XYLT1: variants seen among roughly 807,000 people sequenced by gnomAD.
XYLT1 encodes xylosyltransferase 1, also known as beta-D-xylosyltransferase 1.
A neutral mutation model predicts 91.3 loss-of-function variants in XYLT1; 36 were observed. The ratio of observed to expected loss-of-function variants is 0.39; its 90% CI spans 0.30 to 0.52. The LOEUF (loss-of-function observed/expected upper bound fraction) is 0.52, where lower values mean the gene tolerates loss of function less well. XYLT1 is among the 20% of genes least tolerant of loss of function. The probability of loss-of-function intolerance (pLI) is 0.68; values close to 1 mark genes in which losing one functional copy is unlikely to be tolerated. For synonymous variants in XYLT1, 588 were observed against 532.0 expected, an observed-to-expected ratio of 1.11 and a Z score of -1.45; for missense variants, 1,242 against 1,284.5, an observed-to-expected ratio of 0.97 and a Z score of 0.51.
chr16:17,441,799 A>G (rs1039650301), intron 1 of XYLT1, among the ~76,000 whole-genome samples: 33 of 152,202 alleles, frequency 2.2e-4, no homozygotes, highest in Admixed American at 7.8e-4. Flanking sequence ...AAAGGAGGAT[A>G]AAGATCCAGC....
intron 11 of XYLT1, among the ~76,000 whole-genome samples, chr16:17,114,021 C>G (rs1966847389): frequency 6.7e-6 from 1 of 150,074 alleles, no homozygotes; most frequent in African/African-American, 2.5e-5. Flanking sequence ...GCCATGGGGA[C>G]AGACTCATCC....
Position 17,102,653 on chromosome 16 carries a change from C to G in XYLT1, c.*6042G>C, listed in dbSNP as rs1966720602. ...GATGATTGGAACTTTGATTACTGGT[C>G]AATTTCAGATAGTTCAATATCTCTT... On this transcript the variant is annotated 3_prime_UTR_variant, in exon 12 of 12. Transcript: ENST00000261381. The G allele has an allele frequency of 6.6e-6, 1 of 152,362 alleles. No homozygotes were observed. Among genetic ancestry groups the G allele is most frequent in the Non-Finnish European group, 1.5e-5 (1 of 68,024 alleles). 9.4% of individuals were successfully genotyped at this position (152,362 alleles called of 1,614,324 possible). A position where few individuals can be genotyped will look rare whatever the true frequency, so the allele number is the denominator to read the frequency against.
chr16:17,120,114 G>A (rs1453600595), intron 10 of XYLT1, among the ~76,000 whole-genome samples: 3 of 152,162 alleles, frequency 2.0e-5, no homozygotes, highest in Non-Finnish European at 2.9e-5. Flanking sequence ...GATCAGCAGG[G>A]ACCAGCACCT....
At chr16:17,181,616 G>C (rs1315419138) in intron 5 of XYLT1, among the ~76,000 whole-genome samples, 2 of 152,138 alleles carry the variant, frequency 1.3e-5, no homozygotes, top group Non-Finnish European at 2.9e-5. Flanking sequence ...GTTCTCCTCT[G>C]CCCATCTCTC....
At chr16:17,412,799 T>C (rs1158090310) in intron 1 of XYLT1, among the ~76,000 whole-genome samples, 2 of 152,040 alleles carry the variant, frequency 1.3e-5, no homozygotes, top group Non-Finnish European at 1.5e-5. Flanking sequence ...TCAATAAGGG[T>C]GTATCTACAG....
intron 1 of XYLT1, among the ~76,000 whole-genome samples, chr16:17,461,042 C>T (rs2036812973): frequency 6.6e-6 from 1 of 152,200 alleles, no homozygotes; most frequent in Admixed American, 6.5e-5. Context: ...GCCATACCAC[C>T]GATGATGTCA....
chr16:17,134,422 CCTCCCCTCCTGCTTCTCAGCT>C, intron 9 of XYLT1, 30 bp downstream of exon 9: 2 of 1,600,702 alleles, frequency 1.2e-6, no homozygotes, highest in South Asian at 2.2e-5. Context: ...GTACCCTGAG[CCTCCCCTCCTGCTTCTCAGCT>C]CTCCTCTCTG....
At chr16:17,455,169 G>T (rs1346757746) in intron 1 of XYLT1, among the ~76,000 whole-genome samples, 2 of 152,144 alleles carry the variant, frequency 1.3e-5, no homozygotes, top group Admixed American at 1.3e-4. Context: ...TGCAGGCATG[G>T]GGTCAGAGTG....
At chr16:17,145,790 A>G (rs2031115225) in intron 6 of XYLT1, among the ~76,000 whole-genome samples, 1 of 152,260 alleles carries the variant, frequency 6.6e-6, no homozygotes, top group Admixed American at 6.5e-5. Context: ...CAGACAGGGC[A>G]GGTAGCCAGG....
intron 1 of XYLT1, among the ~76,000 whole-genome samples, chr16:17,412,394 A>C (rs1393934213): frequency 6.6e-6 from 1 of 152,066 alleles, no homozygotes; most frequent in Non-Finnish European, 1.5e-5. Flanking sequence ...CACAAACCCC[A>C]CACACATACC....
intron 1 of XYLT1, among the ~76,000 whole-genome samples, chr16:17,376,281 C>A (rs2035600540): frequency 6.6e-6 from 1 of 152,218 alleles, no homozygotes; most frequent in South Asian, 2.1e-4. Context: ...TCCTACAATG[C>A]ACAGGTCAGC....
intron 3 of XYLT1, among the ~76,000 whole-genome samples, chr16:17,245,289 CT>C (rs1340534145): frequency 1.3e-5 from 2 of 152,198 alleles, no homozygotes; most frequent in African/African-American, 4.8e-5. Flanking sequence ...TTCTCACCAT[CT>C]TTTCACTTTG....
At chr16:17,415,242 C>T (rs1422450384) in intron 1 of XYLT1, among the ~76,000 whole-genome samples, 2 of 152,164 alleles carry the variant, frequency 1.3e-5, no homozygotes, top group East Asian at 3.9e-4. Flanking sequence ...TTCTGATCCC[C>T]TCCCCTCCAC....
intron 3 of XYLT1, among the ~76,000 whole-genome samples, chr16:17,219,294 AAAAAAAAG>A (rs2032919213): frequency 7.2e-6 from 1 of 138,772 alleles, no homozygotes; most frequent in Non-Finnish European, 1.5e-5. Flanking sequence ...AAAAAAAAAA[AAAAAAAAG>A]AAAAAGAAAA....
chr16:17,135,871 A>AAATAAATAGGTATGGCTGTGTT (rs1309082076), intron 8 of XYLT1, among the ~76,000 whole-genome samples: 1 of 152,270 alleles, frequency 6.6e-6, no homozygotes, highest in Non-Finnish European at 1.5e-5. Context: ...ACAAGAGACT[A>AAATAAATAGGTATGGCTGTGTT]AATAAATAGG....
At chr16:17,235,920 G>A (rs2033240476) in intron 3 of XYLT1, among the ~76,000 whole-genome samples, 1 of 152,184 alleles carries the variant, frequency 6.6e-6, no homozygotes, top group Admixed American at 6.5e-5. Context: ...AGGCTGGGGT[G>A]CAGTGGCCCA....
intron 2 of XYLT1, among the ~76,000 whole-genome samples, chr16:17,304,491 G>A (rs931227997): frequency 7.3e-5 from 11 of 150,094 alleles, no homozygotes; most frequent in Non-Finnish European, 1.5e-4. Context: ...CATTTGGACC[G>A]CGCAGGGGAG....
intron 2 of XYLT1, among the ~76,000 whole-genome samples, chr16:17,260,432 G>T (rs576434779): frequency 2.4e-4 from 37 of 152,244 alleles, no homozygotes; most frequent in African/African-American, 8.9e-4. Context: ...CCTGACCTCT[G>T]AAGCCACAGA....
chr16:17,167,324 C>T (rs1480256214), intron 5 of XYLT1, among the ~76,000 whole-genome samples: 1 of 152,278 alleles, frequency 6.6e-6, no homozygotes, highest in Non-Finnish European at 1.5e-5. Context: ...GGAATTGATA[C>T]AGGTAGAACC....
Sources: allele counts gnomAD v4.1 joint callset (sites outside exome capture counted in the v4.1 genomes callset), GRCh38; gene constraint gnomAD v4.1.1; transcripts MANE v1.5; gene names NCBI Gene and HGNC (gene_info 2026-07-23, HGNC 2026-07-21).